The following FABP7 variants were observed in gnomAD, a reference collection of about 807,000 sequenced individuals.
FABP7 encodes fatty acid binding protein 7, also known as fatty acid-binding protein, brain.
FABP7 carries 13 observed loss-of-function variants against 14.2 expected under a neutral mutation model. That is an observed-to-expected ratio of 0.91 (90% CI 0.59 to 1.45). The LOEUF is 1.45. FABP7 is among the 40% of genes most tolerant of loss of function. FABP7 has a pLI of 0.00. For synonymous variants in FABP7, 49 were observed against 51.4 expected (o/e 0.95, Z 0.20); for missense variants, 149 against 157.6 (o/e 0.95, Z 0.29).
the FABP7 span, among the ~76,000 whole-genome samples, chr6:122,753,654 C>T: frequency 6.6e-6 from 1 of 151,828 alleles, no homozygotes; most frequent in Admixed American, 6.6e-5. Flanking sequence ...CCCAGCAAAA[C>T]GAAGGAATGA....
the FABP7 span, among the ~76,000 whole-genome samples, chr6:122,768,889 T>A: frequency 6.6e-6 from 1 of 152,064 alleles, no homozygotes; most frequent in Non-Finnish European, 1.5e-5. Context: ...TGAATAGGGA[T>A]TTCTTCCTTG....
intron 1 of FABP7, 99 bp downstream of exon 1, chr6:122,779,966 A>G: frequency 8.8e-7 from 1 of 1,135,694 alleles, no homozygotes; most frequent in Non-Finnish European, 1.3e-6. Context: ...AGGCAAAGAC[A>G]GATCACATTG....
the FABP7 span, among the ~76,000 whole-genome samples, chr6:122,767,916 G>T: frequency 6.6e-6 from 1 of 151,930 alleles, no homozygotes; most frequent in Admixed American, 6.6e-5. Context: ...TTAAAAATAA[G>T]AACTTTTGGT....
the FABP7 span, among the ~76,000 whole-genome samples, chr6:122,761,909 AC>A: frequency 6.6e-6 from 1 of 152,200 alleles, no homozygotes; most frequent in African/African-American, 2.4e-5. Flanking sequence ...TAGCCTACCA[AC>A]CAAAAATGGT....
At chr6:122,755,523 G>A in the FABP7 span, among the ~76,000 whole-genome samples, 12 of 143,070 alleles carry the variant, frequency 8.4e-5, no homozygotes, top group South Asian at 4.3e-4. Context: ...GTGCAATCTC[G>A]GCTCACTGCA....
At chr6:122,761,212 A>G in the FABP7 span, among the ~76,000 whole-genome samples, 1 of 152,194 alleles carries the variant, frequency 6.6e-6, no homozygotes, top group African/African-American at 2.4e-5. Flanking sequence ...GTTAACATAC[A>G]CAGTGGAAGA....
At chr6:122,778,277 T>C (rs1780707955), upstream of FABP7, among the ~76,000 whole-genome samples, 1 of 152,216 alleles carries the variant, frequency 6.6e-6, no homozygotes, top group South Asian at 2.1e-4. Context: ...TTAGAAATGA[T>C]TCAGAGGTTT....
At chr6:122,751,509 A>G in the FABP7 span, among the ~76,000 whole-genome samples, 1 of 152,202 alleles carries the variant, frequency 6.6e-6, no homozygotes, top group Non-Finnish European at 1.5e-5. Context: ...TTACTACCAC[A>G]TCCTGTCTAA....
chr6:122,749,374 G>A, the FABP7 span, among the ~76,000 whole-genome samples: 3 of 152,106 alleles, frequency 2.0e-5, no homozygotes, highest in African/African-American at 7.2e-5. Context: ...AACATTTTAT[G>A]ATGCTGCCTA....
At chr6:122,759,794 A>T in the FABP7 span, among the ~76,000 whole-genome samples, 10 of 152,176 alleles carry the variant, frequency 6.6e-5, no homozygotes, top group East Asian at 1.7e-3. Flanking sequence ...TCATTTGGAA[A>T]TGCCATTTTT....
chr6:122,753,418 ACACT>A, the FABP7 span, among the ~76,000 whole-genome samples: 7,216 of 152,220 alleles, frequency 0.047, 184 homozygotes, highest in East Asian at 0.1. Flanking sequence ...TAATTCGCTC[ACACT>A]CAGTCTCATC....
chr6:122,765,572 C>T, the FABP7 span, among the ~76,000 whole-genome samples: 16 of 152,116 alleles, frequency 1.1e-4, no homozygotes, highest in East Asian at 3.1e-3. Flanking sequence ...TTTATTTTCA[C>T]TATTCAAAAT....
At chr6:122,781,321 C>T (rs945383276) in intron 3 of FABP7, 127 bp downstream of exon 3, 23 of 1,548,836 alleles carry the variant, frequency 1.5e-5, no homozygotes, top group Non-Finnish European at 2.0e-5. Context: ...TAATACATCA[C>T]TGGCAAGGTT....
the FABP7 span, among the ~76,000 whole-genome samples, chr6:122,762,989 T>C: frequency 1.3e-5 from 2 of 152,068 alleles, no homozygotes; most frequent in Non-Finnish European, 2.9e-5. Flanking sequence ...TTCATTGCCA[T>C]CCCCATCAAG....
the FABP7 span, among the ~76,000 whole-genome samples, chr6:122,758,976 A>G: frequency 6.6e-6 from 1 of 152,216 alleles, no homozygotes; most frequent in Non-Finnish European, 1.5e-5. Context: ...AGAGCTACAC[A>G]ATGCTCTAAA....
intron 3 of FABP7, chr6:122,781,740 C>CA: frequency 1.6e-5 from 12 of 739,866 alleles, no homozygotes; most frequent in African/African-American, 2.1e-5. Context: ...AGTGATAACC[C>CA]TTTTTTTTTT....
At chr6:122,768,630 T>C in the FABP7 span, among the ~76,000 whole-genome samples, 1 of 152,250 alleles carries the variant, frequency 6.6e-6, no homozygotes, top group East Asian at 1.9e-4. Context: ...GTTTATTACA[T>C]TAGTGAAAAT....
chr6:122,780,179 C>G, intron 1 of FABP7, 112 bp from the exon 2 acceptor site: 1 of 1,161,524 alleles, frequency 8.6e-7, no homozygotes. Context: ...TAATCATGTT[C>G]TAATGAAACT....
chr6:122,781,494 A>G (rs774961243), intron 3 of FABP7: 64 of 1,371,004 alleles, frequency 4.7e-5, no homozygotes, highest in Non-Finnish European at 5.9e-5. Context: ...TTTTTGTAGG[A>G]TAACTATGGA....
Sources: allele counts gnomAD v4.1 joint callset (sites outside exome capture counted in the v4.1 genomes callset), GRCh38; gene constraint gnomAD v4.1.1; transcripts MANE v1.5; gene names NCBI Gene and HGNC (gene_info 2026-07-23, HGNC 2026-07-21).